KLF17: variants seen among roughly 807,000 people sequenced by gnomAD.
KLF17 encodes the protein Krueppel-like factor 17.
KLF17 carries 31 observed loss-of-function variants against 34.2 expected under a neutral mutation model. That is an observed-to-expected ratio of 0.91 (90% CI 0.68 to 1.22). The LOEUF is 1.22. KLF17 is among the 50% of genes most tolerant of loss of function. KLF17 has a pLI of 0.00. For missense variants in KLF17, 478 were observed against 505.2 expected (o/e 0.95, Z 0.52); for synonymous variants, 179 against 186.7 (o/e 0.96, Z 0.34).
the KLF17 span, among the ~76,000 whole-genome samples, chr1:44,057,253 A>T: frequency 6.6e-5 from 10 of 152,284 alleles, no homozygotes; most frequent in South Asian, 2.1e-3. Context: ...CAATTGGGAA[A>T]AGACTTAACA....
chr1:44,116,276 T>A (rs867580239), upstream of KLF17, among the ~76,000 whole-genome samples: 1 of 152,124 alleles, frequency 6.6e-6, no homozygotes, highest in African/African-American at 2.4e-5. Context: ...TCCATACTAG[T>A]AGTTGGGGAC....
the KLF17 span, among the ~76,000 whole-genome samples, chr1:44,062,033 C>T: frequency 6.6e-6 from 1 of 152,238 alleles, no homozygotes; most frequent in Non-Finnish European, 1.5e-5. Context: ...ACCACACTGC[C>T]ACCTCAGTAA....
At position 44,129,734 on chromosome 1, in the gene KLF17, C is replaced by G; in HGVS notation, c.463C>G (p.Pro155Ala). Residue 155 changes from proline (P) to alanine (A), a missense_variant, in exon 2 of 4, where the codon CCC (proline) becomes GCC (alanine). Transcript: ENST00000372299. ...CTTCGGTGGGAATCTAAGGATGCCC[C>G]CCAATGGGCTGCCAGTCTCGGCTTC... ...RPFGGNLRMPPNGLPVSASTG... is the reference protein window; with the variant it reads ...RPFGGNLRMPANGLPVSASTG... 1 of 1,614,130 alleles carries G rather than the reference C, an allele frequency of 6.2e-7. No homozygotes were observed. The highest frequency in any genetic ancestry group is 8.5e-7 in the Non-Finnish European group (1 of 1,180,002).
intron 1 of KLF17, among the ~76,000 whole-genome samples, chr1:44,120,674 ATT>A (rs1427055056): frequency 6.6e-6 from 1 of 152,208 alleles, no homozygotes; most frequent in Non-Finnish European, 1.5e-5. Flanking sequence ...AGACAACTTA[ATT>A]TGCCATGAAG....
the KLF17 span, among the ~76,000 whole-genome samples, chr1:44,100,535 T>G: frequency 6.6e-6 from 1 of 152,196 alleles, no homozygotes; most frequent in East Asian, 1.9e-4. Flanking sequence ...GTATTTCAAA[T>G]GAATAACATA....
chr1:44,081,375 T>C, the KLF17 span, among the ~76,000 whole-genome samples: 162 of 151,884 alleles, frequency 1.1e-3, no homozygotes, highest in African/African-American at 3.7e-3. Context: ...AGCTCAAAAC[T>C]CAAAGCTCTA....
In KLF17 at chr1:44,118,948, G is replaced by C; in HGVS notation, c.41G>C (p.Gly14Ala). The change falls in exon 1 of 4, where the codon GGG (glycine) becomes GCG (alanine). Residue 14 changes from glycine (G) to alanine (A), a missense_variant. Physicochemically the swap from Gly to Ala is moderately conservative, Grantham distance 60. Transcript: ENST00000372299. ...CAGGCTGAGATGGAACAGGAGGCTGGGGAGCTGAGCCGGTGGCAGGCGGCG... is the reference window on the plus strand; with the variant it reads ...CAGGCTGAGATGGAACAGGAGGCTGCGGAGCTGAGCCGGTGGCAGGCGGCG... ...RPQAEMEQEA[G>A]ELSRWQAAHQ... 6.2e-7 allele frequency: 1 copy of C among 1,612,276 alleles called. No individual in the cohort carries two copies. Among genetic ancestry groups the C allele is most frequent in the Non-Finnish European group, 8.5e-7 (1 of 1,179,284 alleles).
chr1:44,090,259 G>A, the KLF17 span, among the ~76,000 whole-genome samples: 1 of 116,906 alleles, frequency 8.6e-6, no homozygotes, highest in East Asian at 2.9e-4. Context: ...AGGATCTCTT[G>A]AGGAGTTCTA....
At chr1:44,102,615 G>GAA in the KLF17 span, among the ~76,000 whole-genome samples, 1 of 70,116 alleles carries the variant, frequency 1.4e-5, no homozygotes, top group Admixed American at 1.4e-4. Context: ...CACACACACA[G>GAA]AAAAGAAAAA....
the KLF17 span, among the ~76,000 whole-genome samples, chr1:44,069,729 T>C: frequency 0.55 from 83,072 of 151,890 alleles, 23,171 homozygotes; most frequent in East Asian, 0.64. This position sits in a 1 kb window ranked among gnomAD's most constrained non-coding sequence, Gnocchi z 4.7. Context: ...TAGTCCTAAC[T>C]TTGGGGGATG....
the KLF17 span, among the ~76,000 whole-genome samples, chr1:44,102,628 A>AAG: frequency 1.4e-5 from 2 of 141,018 alleles, no homozygotes; most frequent in Non-Finnish European, 3.1e-5. Context: ...AAGAAAAAGA[A>AAG]AAAGAAAGAA....
chr1:44,047,974 T>A, the KLF17 span: 1 of 149,664 alleles, frequency 6.7e-6, no homozygotes, highest in African/African-American at 2.5e-5. Context: ...GTTTGGAGAG[T>A]GGGCCCATAA....
At chr1:44,084,642 T>C in the KLF17 span, among the ~76,000 whole-genome samples, 3 of 150,192 alleles carry the variant, frequency 2.0e-5, no homozygotes, top group African/African-American at 2.5e-5. Flanking sequence ...ATCCTGCCAC[T>C]GCACTCCAGC....
At chr1:44,078,571 G>T in the KLF17 span, among the ~76,000 whole-genome samples, 1 of 151,964 alleles carries the variant, frequency 6.6e-6, no homozygotes, top group South Asian at 2.1e-4. Flanking sequence ...CTGAGTAGCT[G>T]GGACTATAGG....
chr1:44,098,331 T>C, the KLF17 span, among the ~76,000 whole-genome samples: 1 of 152,116 alleles, frequency 6.6e-6, no homozygotes, highest in African/African-American at 2.4e-5. Flanking sequence ...TCTGATTTTA[T>C]TTATTTGGGT....
chr1:44,099,840 A>G, the KLF17 span, among the ~76,000 whole-genome samples: 20 of 37,304 alleles, frequency 5.4e-4, no homozygotes, highest in Admixed American at 5.0e-3. Context: ...AAAGAAAGAA[A>G]GAAAGAAAGA....
chr1:44,059,446 ATAT>A, the KLF17 span, among the ~76,000 whole-genome samples: 1 of 152,232 alleles, frequency 6.6e-6, no homozygotes, highest in Admixed American at 6.5e-5. Context: ...AATATTTCAA[ATAT>A]TATAGCCTCA....
the KLF17 span, among the ~76,000 whole-genome samples, chr1:44,067,381 A>G: frequency 1.3e-5 from 2 of 152,214 alleles, no homozygotes; most frequent in African/African-American, 4.8e-5. Context: ...TTGATGTAGC[A>G]TCTTGGGCGA....
chr1:44,130,628 T>C lies in KLF17; in HGVS notation c.1042T>C (p.Cys348Arg), dbSNP rs778813952. ...ATATCGACCATATAAATGTGATCAG[T>C]GCAGCCGGGAGTTCATGAGGTCTGA... ...TRYRPYKCDQ[C>R]SREFMRSDHL... The change falls in exon 3 of 4, where the codon TGC becomes CGC. Residue 348 changes from cysteine (C) to arginine (R), a missense_variant. Cys to Arg is a radical substitution (Grantham distance 180, BLOSUM62 -3). Coordinates refer to ENST00000372299, the MANE Select transcript of KLF17 (RefSeq NM_173484.4). 9.9e-6 allele frequency: 16 copies of C among 1,613,950 alleles called. No homozygotes were observed. In the South Asian group the frequency reaches 1.4e-4, roughly 14 times the overall value.
Sources: gnomAD v4.1 joint callset for allele counts (sites outside exome capture counted in the v4.1 genomes callset) on GRCh38, gnomAD v4.1.1 for gene constraint, Gnocchi (gnomAD v3.1) non-coding constraint, MANE v1.5 for transcripts, NCBI Gene and HGNC (gene_info 2026-07-23, HGNC 2026-07-21) for gene names.